Variants in SNX29 observed in about 807,000 individuals in gnomAD.
SNX29 encodes sorting nexin-29.
A neutral mutation model predicts 102.1 loss-of-function variants in SNX29; 78 were observed. The ratio of observed to expected loss-of-function variants is 0.76; its 90% confidence interval spans 0.64 to 0.92. The LOEUF (loss-of-function observed/expected upper bound fraction) is 0.92. SNX29 is among the 40% of genes least tolerant of loss of function. The pLI is 0.00. For missense variants in SNX29, 1,280 were observed against 1,061.7 expected, an observed-to-expected ratio of 1.21 and a Z score of -2.86; for synonymous variants, 580 against 414.5, an observed-to-expected ratio of 1.40 and a Z score of -4.85.
chr16:12,536,619 C>T (rs1567668826), intron 20 of SNX29, among the ~76,000 whole-genome samples: 1 of 152,154 alleles, frequency 6.6e-6, no homozygotes, highest in Non-Finnish European at 1.5e-5. Context: ...TTGGCTGTGG[C>T]TGCAGCAGGG....
At chr16:12,504,438 T>C (rs1247744578) in intron 19 of SNX29, among the ~76,000 whole-genome samples, 1 of 152,160 alleles carries the variant, frequency 6.6e-6, no homozygotes, top group African/African-American at 2.4e-5. Flanking sequence ...CAACCACTCA[T>C]CTGCTTTCCG....
intron 11 of SNX29, among the ~76,000 whole-genome samples, chr16:12,084,634 G>C (rs2052072115): frequency 6.6e-6 from 1 of 152,168 alleles, no homozygotes; most frequent in South Asian, 2.1e-4. Context: ...AGCTGCCTGG[G>C]CTCAGGTTCC....
chr16:12,256,040 C>T (rs968737684), intron 14 of SNX29, among the ~76,000 whole-genome samples: 3 of 152,160 alleles, frequency 2.0e-5, no homozygotes, highest in Non-Finnish European at 4.4e-5. Context: ...CAACATTTAT[C>T]TTTCTTCTAT....
intron 17 of SNX29, among the ~76,000 whole-genome samples, chr16:12,399,915 G>C (rs1370722411): frequency 6.6e-6 from 1 of 152,098 alleles, no homozygotes; most frequent in African/African-American, 2.4e-5. Flanking sequence ...GGGAAGACAA[G>C]AGAGAGCCAC....
chr16:12,264,358 A>C (rs1221664710), intron 14 of SNX29, among the ~76,000 whole-genome samples: 1 of 152,230 alleles, frequency 6.6e-6, no homozygotes, highest in African/African-American at 2.4e-5. Context: ...GCTGCACAGT[A>C]ATTTCCCGAG....
intron 18 of SNX29, among the ~76,000 whole-genome samples, chr16:12,470,713 A>G (rs62028445): frequency 2.0e-5 from 3 of 152,146 alleles, no homozygotes; most frequent in African/African-American, 7.2e-5. Context: ...CCTGCCTAGC[A>G]TTTGACAATT....
intron 16 of SNX29, among the ~76,000 whole-genome samples, chr16:12,397,227 T>TCCTAA (rs1037598896): frequency 9.2e-5 from 14 of 152,222 alleles, no homozygotes; most frequent in African/African-American, 3.4e-4. Flanking sequence ...TTCTAATGTG[T>TCCTAA]CCTAACCTTC....
At chr16:12,159,974 A>G (rs2055713953) in intron 13 of SNX29, among the ~76,000 whole-genome samples, 1 of 152,178 alleles carries the variant, frequency 6.6e-6, no homozygotes, top group South Asian at 2.1e-4. Flanking sequence ...TTTACTGAAA[A>G]TCTATTCTTC....
intron 14 of SNX29, among the ~76,000 whole-genome samples, chr16:12,258,334 A>G (rs2078634935): frequency 6.6e-6 from 1 of 151,934 alleles, no homozygotes; most frequent in South Asian, 2.1e-4. Context: ...CCGCGTTCCC[A>G]TGTCATCGCA....
intron 5 of SNX29, among the ~76,000 whole-genome samples, chr16:12,044,518 G>A (rs771375893): frequency 2.4e-4 from 36 of 152,184 alleles, no homozygotes; most frequent in Non-Finnish European, 3.5e-4. Flanking sequence ...TTCGGAGGCT[G>A]AGAATGTCTG....
At chr16:12,324,160 G>T (rs917605345) in intron 15 of SNX29, among the ~76,000 whole-genome samples, 1 of 151,896 alleles carries the variant, frequency 6.6e-6, no homozygotes, top group Non-Finnish European at 1.5e-5. Context: ...ATTTTTGGGG[G>T]TCATTCCATG....
chr16:12,245,036 G>A (rs1400839190), intron 14 of SNX29, among the ~76,000 whole-genome samples: 1 of 152,198 alleles, frequency 6.6e-6, no homozygotes, highest in Non-Finnish European at 1.5e-5. Context: ...AAGTCTGAAA[G>A]GGCATAGTTT....
At chr16:12,277,554 C>A (rs952901690) in intron 14 of SNX29, among the ~76,000 whole-genome samples, 1 of 152,260 alleles carries the variant, frequency 6.6e-6, no homozygotes, top group Non-Finnish European at 1.5e-5. Context: ...ACAGTTCTTG[C>A]ATTTTAAAAA....
At chr16:12,526,894 C>T in intron 20 of SNX29, 1 of 394,710 alleles carries the variant, frequency 2.5e-6, no homozygotes, top group East Asian at 4.3e-5. Context: ...TGACATGAAT[C>T]TCAGCCATGC....
intron 18 of SNX29, among the ~76,000 whole-genome samples, chr16:12,420,957 T>A (rs1259719567): frequency 1.3e-5 from 2 of 152,206 alleles, no homozygotes; most frequent in African/African-American, 2.4e-5. Context: ...ACAGATGAGA[T>A]AATGCCTGTT....
chr16:12,552,832 C>T (rs879135833), intron 20 of SNX29, among the ~76,000 whole-genome samples: 9 of 152,146 alleles, frequency 5.9e-5, no homozygotes, highest in Admixed American at 2.0e-4. Flanking sequence ...TGACACCTGA[C>T]CTGCCAGAGA....
In SNX29 at chr16:12,522,089, C is replaced by G. The variant is rs117991630; in HGVS notation, c.2179-2613C>G. On this transcript the variant is annotated intron_variant, in intron 19 of 20. Transcript: ENST00000566228. ...CCCCTGCTGGCACAGATGCTCCACG[C>G]TTCCATCTCCCACCTGGTGCTTGCA... Among the ~76,000 whole-genome samples the G allele has an allele frequency of 5.1e-3, 770 of 152,320 alleles. 8 individuals are homozygous for G. The highest frequency in any genetic ancestry group is 0.027 in the Middle Eastern group (8 of 294).
intron 9 of SNX29, among the ~76,000 whole-genome samples, chr16:12,067,260 G>A (rs2051079613): frequency 6.6e-6 from 1 of 152,086 alleles, no homozygotes; most frequent in Non-Finnish European, 1.5e-5. Flanking sequence ...GAGACAGCAA[G>A]GTAGAAGAAA....
At chr16:12,499,311 A>T (rs1252190812) in intron 19 of SNX29, among the ~76,000 whole-genome samples, 1 of 152,216 alleles carries the variant, frequency 6.6e-6, no homozygotes, top group Non-Finnish European at 1.5e-5. Context: ...AAATAATTGA[A>T]CATCACTGTT....
Sources: gnomAD v4.1 joint callset for allele counts (sites outside exome capture counted in the v4.1 genomes callset) on GRCh38, gnomAD v4.1.1 for gene constraint, MANE v1.5 for transcripts, NCBI Gene and HGNC (gene_info 2026-07-23, HGNC 2026-07-21) for gene names.